Variants in SGPL1 observed in about 807,000 individuals in gnomAD.
SGPL1 encodes SP-lyase 1.
Under a neutral mutation model 68.9 loss-of-function variants are expected in SGPL1, and 37 were observed. The ratio of observed to expected loss-of-function variants is 0.54; its 90% CI spans 0.41 to 0.71. The LOEUF (loss-of-function observed/expected upper bound fraction) is 0.71, where lower values mean the gene tolerates loss of function less well. Ranked by LOEUF, SGPL1 falls within the 30% of genes least tolerant of loss-of-function variation. The probability of loss-of-function intolerance (pLI) is 0.00; values close to 1 mark genes in which losing one functional copy is unlikely to be tolerated. For synonymous variants in SGPL1, 236 were observed against 248.5 expected (o/e 0.95, Z 0.47); for missense variants, 551 against 704.6 (o/e 0.78, Z 2.47).
intron 6 of SGPL1, among the ~76,000 whole-genome samples, chr10:70,857,919 A>C (rs1845992480): frequency 6.6e-6 from 1 of 152,226 alleles, no homozygotes; most frequent in African/African-American, 2.4e-5. Context: ...CAGTCTTTGC[A>C]GATGTCCTGT....
intron 3 of SGPL1, among the ~76,000 whole-genome samples, chr10:70,846,549 C>T (rs827232): frequency 0.045 from 6,862 of 152,094 alleles, 188 homozygotes; most frequent in East Asian, 0.13. Context: ...TTTTCATCAC[C>T]CCACTGGAAC....
intron 4 of SGPL1, among the ~76,000 whole-genome samples, chr10:70,852,706 ATGTGTG>A (rs35491906): frequency 3.4e-5 from 5 of 145,940 alleles, no homozygotes; most frequent in South Asian, 4.3e-4. Context: ...ACATGTGTGT[ATGTGTG>A]TGTGTGTGTG....
At chr10:70,818,369 C>T (rs1845277362) in intron 2 of SGPL1, among the ~76,000 whole-genome samples, 2 of 152,234 alleles carry the variant, frequency 1.3e-5, no homozygotes, top group African/African-American at 4.8e-5. Flanking sequence ...ATCCACCTGC[C>T]TTGGTCTCCC....
In SGPL1 at chr10:70,875,618, C is replaced by G. The variant is rs941479713; in HGVS notation, c.1445+70C>G. 3.1e-6 allele frequency: 4 copies of G among 1,285,364 alleles called. No individual in the cohort carries two copies. In the African/African-American group the frequency reaches 5.9e-5, roughly 19 times the overall value. 79.6% of individuals were successfully genotyped at this position (1,285,364 alleles called of 1,614,324 possible). A position where few individuals can be genotyped will look rare whatever the true frequency, so the allele number is the denominator to read the frequency against. On this transcript the variant is annotated intron_variant, in intron 13 of 14. Coordinates refer to ENST00000373202, the MANE Select transcript of SGPL1 (RefSeq NM_003901.4). ...TGGAAGAACTTGGGTGGTACAGTAA[C>G]CTGAAGTATAGAGTTTGACTGCTAG...
chr10:70,834,562 G>A lies in SGPL1; in HGVS notation c.28-9911G>A, dbSNP rs1845594993. ...CCGTCTTTCTTTTGTAAGCAAATAAGTAGTATGAGTGTAAGTCTCTAGCTC... is the reference window on the plus strand; with the variant it reads ...CCGTCTTTCTTTTGTAAGCAAATAAATAGTATGAGTGTAAGTCTCTAGCTC... On this transcript the variant is annotated intron_variant, in intron 2 of 14. Coordinates refer to ENST00000373202, the MANE Select transcript of SGPL1 (RefSeq NM_003901.4). Among the ~76,000 whole-genome samples the A allele has an allele frequency of 2.6e-5, 4 of 152,224 alleles. 1 individual carries two copies. Among genetic ancestry groups the A allele is most frequent in the South Asian group, 4.1e-4 (2 of 4,834 alleles).
At chr10:70,870,077 A>C in intron 9 of SGPL1, 180 bp downstream of exon 9, 2 of 506,802 alleles carry the variant, frequency 3.9e-6, no homozygotes, top group Non-Finnish European at 7.0e-6. Context: ...TAGGTTCATG[A>C]ATTCTGAAAG....
intron 4 of SGPL1, among the ~76,000 whole-genome samples, chr10:70,852,582 A>C (rs1451700035): frequency 6.6e-6 from 1 of 152,172 alleles, no homozygotes; most frequent in Non-Finnish European, 1.5e-5. Flanking sequence ...GGGTTCCAGA[A>C]CCCACTCTTA....
At chr10:70,865,575 G>A (rs1297577995) in intron 7 of SGPL1, among the ~76,000 whole-genome samples, 2 of 152,140 alleles carry the variant, frequency 1.3e-5, no homozygotes, top group African/African-American at 2.4e-5. Flanking sequence ...TTCTCTCTCT[G>A]GATGAGCTGC....
In SGPL1 at chr10:70,816,886, C is replaced by T; in HGVS notation, c.27+6C>T. The T allele has an allele frequency of 6.2e-7, 1 of 1,613,812 alleles. No individual in the cohort carries two copies. Among genetic ancestry groups the T allele is most frequent in the South Asian group, 1.1e-5 (1 of 91,070 alleles). On this transcript the variant is annotated splice_donor_region_variant and intron_variant, in intron 2 of 14. Transcript: ENST00000373202. ...GCACAGACCTTCTGATGTTGGTGAG[C>T]CTTTTGCAGACATCCTCCTGGTTCC...
intron 7 of SGPL1, among the ~76,000 whole-genome samples, chr10:70,867,760 AACT>A (rs1846221221): frequency 1.3e-5 from 2 of 152,104 alleles, no homozygotes; most frequent in Non-Finnish European, 2.9e-5. Context: ...GGCTAGGCCA[AACT>A]TTAGGAAAAC....
intron 7 of SGPL1, chr10:70,860,483 G>A (rs1348833333): frequency 2.2e-6 from 1 of 453,058 alleles, no homozygotes; most frequent in Non-Finnish European, 4.5e-6. Flanking sequence ...TGATATGCCT[G>A]GCATTCATTT....
Position 70,844,639 on chromosome 10 carries a change from G to A in SGPL1, c.193+1G>A, listed in dbSNP as rs1845764375. Reference sequence around the variant, plus strand: ...TATGAGTTTGTCTTCCAGCCAGAGAGTAAGTATGCTGTCTCCTCTGTAAAG... The same window carrying A: ...TATGAGTTTGTCTTCCAGCCAGAGAATAAGTATGCTGTCTCCTCTGTAAAG... On this transcript the variant is annotated splice_donor_variant, in intron 3 of 14. Coordinates refer to ENST00000373202, the MANE Select transcript of SGPL1 (RefSeq NM_003901.4). LOFTEE classifies it high-confidence loss of function. 2 of 1,613,654 alleles carry A rather than the reference G, an allele frequency of 1.2e-6. No individual in the cohort carries two copies. The highest frequency in any genetic ancestry group is 1.7e-6 in the Non-Finnish European group (2 of 1,179,834).
At chr10:70,842,710 C>A (rs1054855284) in intron 2 of SGPL1, among the ~76,000 whole-genome samples, 1 of 152,166 alleles carries the variant, frequency 6.6e-6, no homozygotes, top group Non-Finnish European at 1.5e-5. Context: ...ATCCAGTCAT[C>A]TCCCACCAGA....
chr10:70,867,680 A>C (rs1404970619), intron 7 of SGPL1, among the ~76,000 whole-genome samples: 1 of 152,196 alleles, frequency 6.6e-6, no homozygotes, highest in East Asian at 1.9e-4. Context: ...CAGTGAGGGA[A>C]ATAAGATGAA....
intron 7 of SGPL1, among the ~76,000 whole-genome samples, chr10:70,865,700 A>C (rs984901298): frequency 4.6e-5 from 7 of 152,232 alleles, no homozygotes; most frequent in African/African-American, 1.7e-4. Flanking sequence ...AAGCTCTCTC[A>C]TTCTTTGTTC....
chr10:70,856,182 GATA>G (rs1465818732), intron 5 of SGPL1, among the ~76,000 whole-genome samples: 5 of 152,058 alleles, frequency 3.3e-5, no homozygotes, highest in Non-Finnish European at 5.9e-5. Flanking sequence ...TTTTAGTAGA[GATA>G]AGATTTCACC....
At position 70,844,772 on chromosome 10, in the gene SGPL1, C is replaced by T; in HGVS notation, c.193+134C>T. On this transcript the variant is annotated intron_variant, in intron 3 of 14. Transcript: ENST00000373202. ...TTGTTTGTTTTTGAGACGGAGTCTC[C>T]ATCTGTTGCTAGGCTGGAGTGCACT... 4.9e-6 allele frequency: 4 copies of T among 814,344 alleles called. No individual in the cohort carries two copies. In the South Asian group the frequency reaches 7.2e-5, roughly 15 times the overall value. The allele number at this position is 814,344 out of a possible 1,614,324, so 50.4% of individuals were successfully genotyped here. A position where few individuals can be genotyped will look rare whatever the true frequency, so the allele number is the denominator to read the frequency against.
chr10:70,875,627 T>C (rs1258242975), intron 13 of SGPL1, 79 bp downstream of exon 13: 7 of 1,194,810 alleles, frequency 5.9e-6, no homozygotes, highest in African/African-American at 3.0e-5. Context: ...ACCTGAAGTA[T>C]AGAGTTTGAC....
At chr10:70,822,643 C>T (rs982844706) in intron 2 of SGPL1, among the ~76,000 whole-genome samples, 5 of 152,048 alleles carry the variant, frequency 3.3e-5, no homozygotes, top group Admixed American at 6.5e-5. Flanking sequence ...GTGAAGGCTG[C>T]GAGTAGTTTG....
Sources: allele counts gnomAD v4.1 joint callset (sites outside exome capture counted in the v4.1 genomes callset), GRCh38; gene constraint gnomAD v4.1.1; transcripts MANE v1.5; gene names NCBI Gene and HGNC (gene_info 2026-07-23, HGNC 2026-07-21).